Variants in ANK3 observed in about 807,000 individuals in gnomAD.
ANK3 encodes the protein ankyrin-3.
ANK3 carries 57 observed loss-of-function variants against 370.9 expected under a neutral mutation model. That is an observed-to-expected ratio of 0.15 (90% CI 0.12 to 0.19). ANK3 has a LOEUF of 0.19. Among genes scored for constraint, ANK3 ranks in the 10% least tolerant of loss-of-function variants. The pLI, the probability that ANK3 is intolerant of heterozygous loss-of-function variation, is 1.00. For missense variants in ANK3, 4,439 were observed against 5,302.1 expected (o/e 0.84, Z 5.06); for synonymous variants, 1,929 against 1,946.3 (o/e 0.99, Z 0.23).
intron 2 of ANK3, among the ~76,000 whole-genome samples, chr10:60,496,364 G>T (rs1283964584): frequency 6.6e-6 from 1 of 152,174 alleles, no homozygotes; most frequent in Non-Finnish European, 1.5e-5. Flanking sequence ...ACAGAATTGT[G>T]AATGAGGCCC....
intron 42 of ANK3, chr10:60,053,813 G>C: frequency 9.2e-7 from 1 of 1,091,536 alleles, no homozygotes; most frequent in Non-Finnish European, 1.2e-6. Flanking sequence ...CTATGGTATA[G>C]CCACAAACGA....
intron 1 of ANK3, among the ~76,000 whole-genome samples, chr10:60,624,298 G>C (rs188970399): frequency 9.9e-5 from 15 of 152,114 alleles, no homozygotes; most frequent in Non-Finnish European, 1.8e-4. Flanking sequence ...TAATACAGTC[G>C]ATAAAGTACA....
At chr10:60,560,855 T>C (rs2077319596) in intron 2 of ANK3, among the ~76,000 whole-genome samples, 1 of 152,204 alleles carries the variant, frequency 6.6e-6, no homozygotes, top group Non-Finnish European at 1.5e-5. Context: ...CCTGTAATTA[T>C]ACATAAAATC....
rs2062919936 is a variant in ANK3, at chr10:60,389,601, G to T, written c.-63C>A. On this transcript the variant is annotated 5_prime_UTR_variant, in exon 1 of 44. Coordinates refer to ENST00000280772, the MANE Select transcript of ANK3 (RefSeq NM_020987.5). ...TCCTTGTAAAAGGTGATATCCTCAG[G>T]CACCTCTAATCAGGCTTACAGCAGC... 1 of 1,598,828 alleles carries T rather than the reference G, an allele frequency of 6.3e-7. No homozygotes were observed. Among genetic ancestry groups the T allele is most frequent in the Admixed American group, 1.8e-5 (1 of 56,998 alleles).
chr10:60,452,484 G>C (rs114682583), intron 2 of ANK3, among the ~76,000 whole-genome samples: 1 of 152,210 alleles, frequency 6.6e-6, no homozygotes, highest in Non-Finnish European at 1.5e-5. Context: ...CCTATCTTCA[G>C]TGAACTAAAG....
intron 2 of ANK3, among the ~76,000 whole-genome samples, chr10:60,426,464 G>T (rs538847407): frequency 6.6e-6 from 1 of 152,110 alleles, no homozygotes; most frequent in East Asian, 1.9e-4. Context: ...ACAAAGCCAG[G>T]ACTTTGTCTT....
chr10:60,078,576 G>T (rs149102680), intron 36 of ANK3, among the ~76,000 whole-genome samples: 1 of 152,072 alleles, frequency 6.6e-6, no homozygotes, highest in Non-Finnish European at 1.5e-5. Context: ...TTTATACTTC[G>T]CAAGGAACAA....
intron 4 of ANK3, among the ~76,000 whole-genome samples, chr10:60,276,830 C>T (rs1447195480): frequency 2.6e-5 from 4 of 152,188 alleles, no homozygotes; most frequent in Non-Finnish European, 4.4e-5. Flanking sequence ...AGTTTTCCCA[C>T]TATCTCAGAG....
chr10:60,138,975 C>T lies in ANK3; in HGVS notation c.2727G>A (p.Ala909=), dbSNP rs76540767. 2.3e-3 allele frequency: 3,741 copies of T among 1,613,798 alleles called. 93 individuals carry two copies. In the African/African-American group the frequency reaches 0.044, roughly 19 times the overall value. ...AEGYMGFSLG[A]RSASLRSFSS... ...CAACAACGAAGTACCTGGCAGAACG[C>T]GCTCCGAGACTAAAGCCCATGTAAC... is the stretch of plus-strand genomic sequence containing the variant. The change falls in exon 24 of 44, where the codon GCG becomes GCA. Residue 909 remains alanine, a synonymous_variant. Transcript: ENST00000280772.
intron 17 of ANK3, among the ~76,000 whole-genome samples, chr10:60,182,018 C>G (rs1378558173): frequency 3.3e-5 from 5 of 151,790 alleles, no homozygotes; most frequent in Admixed American, 1.3e-4. Flanking sequence ...AATATTAACA[C>G]AAATCTAGAC....
chr10:60,707,601 T>G (rs909144396), intron 1 of ANK3, among the ~76,000 whole-genome samples: 45 of 151,244 alleles, frequency 3.0e-4, no homozygotes, highest in African/African-American at 1.1e-3. Flanking sequence ...TTTATATGAT[T>G]AGATTATATA....
intron 23 of ANK3, among the ~76,000 whole-genome samples, chr10:60,153,842 G>A (rs2095241359): frequency 6.6e-6 from 1 of 152,098 alleles, no homozygotes; most frequent in African/African-American, 2.4e-5. Flanking sequence ...CTTAAACATA[G>A]CCTAGGACTG....
intron 1 of ANK3, among the ~76,000 whole-genome samples, chr10:60,348,944 C>T (rs905116016): frequency 5.9e-5 from 9 of 152,102 alleles, no homozygotes; most frequent in Non-Finnish European, 1.5e-5. Flanking sequence ...AGAAGGGATG[C>T]TAAAGCAATG....
chr10:60,698,769 G>C (rs944139997), intron 1 of ANK3, among the ~76,000 whole-genome samples: 2 of 104,868 alleles, frequency 1.9e-5, no homozygotes, highest in African/African-American at 7.1e-5. Context: ...GGGGGAGGGG[G>C]GAGGGATAGC....
chr10:60,068,878 C>T lies in ANK3; in HGVS notation c.12003G>A (p.Lys4001=). The T allele has an allele frequency of 6.2e-7, 1 of 1,614,136 alleles. No homozygotes were observed. The highest frequency in any genetic ancestry group is 8.5e-7 in the Non-Finnish European group (1 of 1,180,018). ...GCTTTAAGGTCTCACCACTAATTCC[C>T]TTAAAATATTCAATGGAATGTTTAC... ...EVCKHSIEYF[K]GISGETLKLV... is the part of the protein sequence containing the mutation. The change falls in exon 37 of 44, where the codon AAG becomes AAA. Residue 4001 remains lysine, a synonymous_variant. Transcript: ENST00000280772.
intron 37 of ANK3, among the ~76,000 whole-genome samples, chr10:60,068,246 A>T (rs1262879434): frequency 6.6e-6 from 1 of 152,224 alleles, no homozygotes; most frequent in Non-Finnish European, 1.5e-5. Flanking sequence ...CATGCTGACG[A>T]GCTAGCTAGT....
intron 1 of ANK3, among the ~76,000 whole-genome samples, chr10:60,326,603 C>G (rs923547732): frequency 6.6e-6 from 1 of 152,130 alleles, no homozygotes; most frequent in African/African-American, 2.4e-5. Context: ...CTCTGACCAT[C>G]GCTGCCACCT....
chr10:60,172,925 T>C lies in ANK3; in HGVS notation c.2357A>G (p.Asn786Ser). 6.2e-7 allele frequency: 1 copy of C among 1,613,938 alleles called. No individual in the cohort carries two copies. The change falls in exon 20 of 44, where the codon AAC becomes AGC. Residue 786 changes from asparagine to serine, a missense_variant. By Grantham distance (46) the Asn-to-Ser change is conservative. Around this residue, in one of 13 missense-constraint regions of ANK3, gnomAD observed 702 missense variants for 941.5 expected, o/e 0.75. Coordinates refer to ENST00000280772, the MANE Select transcript of ANK3 (RefSeq NM_020987.5). ...THIINVLLQN[N>S]ASPNELTVNG... is the part of the protein sequence containing the mutation. ...CACAGTGAGTTCATTGGGGGAGGCG[T>C]TGTTCTGAAGTAAGACATTTATTAT...
intron 17 of ANK3, among the ~76,000 whole-genome samples, chr10:60,181,733 T>C (rs2096195385): frequency 6.6e-6 from 1 of 151,858 alleles, no homozygotes; most frequent in Non-Finnish European, 1.5e-5. Context: ...TTGAGCTCGG[T>C]AGGTGGAGGT....
Sources: allele counts gnomAD v4.1 joint callset (sites outside exome capture counted in the v4.1 genomes callset), GRCh38; gene constraint gnomAD v4.1.1; regional missense constraint gnomAD v4.1.1; transcripts MANE v1.5; gene names NCBI Gene and HGNC (gene_info 2026-07-23, HGNC 2026-07-21).